The following NCMAP variants were observed in gnomAD, a reference collection of about 807,000 sequenced individuals.
NCMAP encodes the protein non-compact myelin associated protein.
Under a neutral mutation model 7.8 loss-of-function variants are expected in NCMAP, and 8 were observed. The ratio of observed to expected loss-of-function variants is 1.02; its 90% CI spans 0.60 to 1.84. The LOEUF is 1.84. NCMAP is among the 40% of genes most tolerant of loss of function. The pLI, the probability that NCMAP is intolerant of heterozygous loss-of-function variation, is 0.00. For missense variants in NCMAP, 112 were observed against 131.4 expected (o/e 0.85, Z 0.72); for synonymous variants, 41 against 52.9 (o/e 0.78, Z 0.98).
In NCMAP at chr1:24,609,316, G is replaced by C. The variant is rs887786659; in HGVS notation, c.*3569G>C. On this transcript the variant is annotated 3_prime_UTR_variant, in exon 4 of 4. Coordinates refer to ENST00000374392, the MANE Select transcript of NCMAP (RefSeq NM_001010980.5). Reference sequence around the variant, plus strand: ...AAAGAAAAATATCTGACAATAAAAAGGTTTAAATCAAATGTGTTGAGTTTA... The same window carrying C: ...AAAGAAAAATATCTGACAATAAAAACGTTTAAATCAAATGTGTTGAGTTTA... 2 of 152,140 alleles carry C rather than the reference G, an allele frequency of 1.3e-5. No individual in the cohort carries two copies. Among genetic ancestry groups the C allele is most frequent in the African/African-American group, 4.8e-5 (2 of 41,428 alleles). 9.4% of individuals were successfully genotyped at this position (152,140 alleles called of 1,614,324 possible).
chr1:24,569,539 G>A lies in NCMAP; in HGVS notation c.-8+13370G>A, dbSNP rs192225538. ...AATAGTAACAATGTTCATTGATTGA[G>A]CGGCAGCAGTAAAGTGGAGTGGTCA... On this transcript the variant is annotated intron_variant, in intron 1 of 3. Transcript: ENST00000374392. Among the ~76,000 whole-genome samples, 83 of 150,672 alleles carry A rather than the reference G, an allele frequency of 5.5e-4. 4 individuals are homozygous for A. Among genetic ancestry groups the A allele is most frequent in the African/African-American group, 2.0e-3 (82 of 40,014 alleles).
intron 1 of NCMAP, among the ~76,000 whole-genome samples, chr1:24,587,469 G>T (rs555511603): frequency 6.6e-5 from 10 of 152,316 alleles, no homozygotes; most frequent in Middle Eastern, 3.4e-3. Context: ...ATCGGTGAAA[G>T]TTTGAATTGA....
intron 1 of NCMAP, among the ~76,000 whole-genome samples, chr1:24,557,092 T>C (rs540813138): frequency 6.6e-6 from 1 of 152,306 alleles, no homozygotes; most frequent in South Asian, 2.1e-4. Context: ...GAACATGAGC[T>C]ATTAATGTCT....
intron 1 of NCMAP, among the ~76,000 whole-genome samples, chr1:24,573,971 A>AAAAAAAAAAAAAAAAC (rs1337931415): frequency 1.5e-5 from 2 of 137,488 alleles, no homozygotes; most frequent in African/African-American, 5.9e-5. Flanking sequence ...AAAAAAAAAA[A>AAAAAAAAAAAAAAAAC]CAGAAAAAAG....
intron 1 of NCMAP, among the ~76,000 whole-genome samples, chr1:24,586,491 G>A (rs1003911084): frequency 1.3e-5 from 2 of 152,142 alleles, no homozygotes; most frequent in African/African-American, 2.4e-5. Context: ...GGCTGGGCAC[G>A]GTGGCTCACG....
intron 1 of NCMAP, among the ~76,000 whole-genome samples, chr1:24,587,158 C>T (rs571708245): frequency 2.6e-5 from 4 of 152,294 alleles, no homozygotes; most frequent in African/African-American, 9.6e-5. Context: ...CAGCCCCCCT[C>T]TGGAGTCATG....
intron 1 of NCMAP, among the ~76,000 whole-genome samples, chr1:24,557,616 C>T (rs905607690): frequency 1.3e-5 from 2 of 152,138 alleles, no homozygotes; most frequent in Non-Finnish European, 2.9e-5. Context: ...TACCTTTACT[C>T]ATGTCCTCTA....
chr1:24,600,814 C>T, intron 2 of NCMAP, 126 bp from the exon 3 acceptor site: 3 of 797,590 alleles, frequency 3.8e-6, no homozygotes, highest in Admixed American at 3.7e-5. Context: ...CTGGGAGTGT[C>T]CCAGGATGTT....
intron 1 of NCMAP, among the ~76,000 whole-genome samples, chr1:24,584,969 G>A (rs1651840448): frequency 7.1e-6 from 1 of 140,412 alleles, no homozygotes; most frequent in Admixed American, 7.0e-5. Context: ...CAGTGAGTGG[G>A]TGGGCGGGTG....
At chr1:24,563,349 C>A (rs1417240329) in intron 1 of NCMAP, among the ~76,000 whole-genome samples, 1 of 152,016 alleles carries the variant, frequency 6.6e-6, no homozygotes, top group African/African-American at 2.4e-5. Context: ...TGGAGAAACC[C>A]CGTCTCTACT....
chr1:24,578,560 C>CTTTTT (rs555342098), intron 1 of NCMAP, among the ~76,000 whole-genome samples: 46 of 107,370 alleles, frequency 4.3e-4, no homozygotes, highest in African/African-American at 1.3e-3. Flanking sequence ...TTCTTTCTTT[C>CTTTTT]TTTTTTTTTT....
intron 1 of NCMAP, among the ~76,000 whole-genome samples, chr1:24,584,463 C>T (rs1344462934): frequency 2.0e-5 from 3 of 152,158 alleles, no homozygotes; most frequent in Admixed American, 6.5e-5. Context: ...TCCTGGAGTC[C>T]CCTTTTCTTA....
At chr1:24,586,219 G>A (rs76612687) in intron 1 of NCMAP, among the ~76,000 whole-genome samples, 7,135 of 152,256 alleles carry the variant, frequency 0.047, 254 homozygotes, top group Middle Eastern at 0.11. Flanking sequence ...GCCCTTGCTG[G>A]GTCATGAGCC....
chr1:24,599,488 C>T lies in NCMAP; in HGVS notation c.83-1452C>T, dbSNP rs573206936. 3.3e-5 allele frequency among the ~76,000 whole-genome samples: 5 copies of T among 152,228 alleles called. No homozygotes were observed. The South Asian group carries it at 1.0e-3, about 32-fold the overall frequency. On this transcript the variant is annotated intron_variant, in intron 2 of 3. Transcript: ENST00000374392. ...TACACCCAAACAATGGAGTACTATGCAGCCATGGAAAGTCATGAAGAAAAA... is the reference window on the plus strand; with the variant it reads ...TACACCCAAACAATGGAGTACTATGTAGCCATGGAAAGTCATGAAGAAAAA...
At position 24,577,720 on chromosome 1, in the gene NCMAP, C is replaced by T. The variant is rs1198253097; in HGVS notation, c.-7-17704C>T. Among the ~76,000 whole-genome samples, 3 of 152,072 alleles carry T rather than the reference C, an allele frequency of 2.0e-5. No individual in the cohort carries two copies. The East Asian group carries it at 5.8e-4, about 29-fold the overall frequency. Reference sequence around the variant, plus strand: ...CTGTTCATGGCATAGATATTAACTACATCTACATAGTCTTGCTTTTTGTAG... The same window carrying T: ...CTGTTCATGGCATAGATATTAACTATATCTACATAGTCTTGCTTTTTGTAG... On this transcript the variant is annotated intron_variant, in intron 1 of 3. Coordinates refer to ENST00000374392, the MANE Select transcript of NCMAP (RefSeq NM_001010980.5).
intron 1 of NCMAP, among the ~76,000 whole-genome samples, chr1:24,566,505 G>A (rs1651232986): frequency 6.6e-6 from 1 of 152,274 alleles, no homozygotes; most frequent in Non-Finnish European, 1.5e-5. Flanking sequence ...TGCCTGGCGG[G>A]GGAAGGGAAG....
intron 1 of NCMAP, among the ~76,000 whole-genome samples, chr1:24,582,282 C>T (rs1002412381): frequency 6.6e-6 from 1 of 152,166 alleles, no homozygotes; most frequent in African/African-American, 2.4e-5. Context: ...TGGGATCAGA[C>T]AGATAAGAGC....
At chr1:24,585,313 G>T (rs1651851553) in intron 1 of NCMAP, among the ~76,000 whole-genome samples, 1 of 152,084 alleles carries the variant, frequency 6.6e-6, no homozygotes, top group Non-Finnish European at 1.5e-5. Context: ...TCATTCCCGG[G>T]TTTCCTTTCT....
rs1422512197 is a variant in NCMAP, at chr1:24,606,434, T to C, written c.*687T>C. The C allele has an allele frequency of 6.6e-6, 1 of 152,452 alleles. No homozygotes were observed. The highest frequency in any genetic ancestry group is 1.5e-5 in the Non-Finnish European group (1 of 68,122). The allele number at this position is 152,452 out of a possible 1,614,324, so 9.4% of individuals were successfully genotyped here. A position where few individuals can be genotyped will look rare whatever the true frequency, so the allele number is the denominator to read the frequency against. ...CCTCTAGGGTAGGAGCTTGTTGTGT[T>C]GTCCGTGGGCCTGGAATGATCCTGG... is the stretch of plus-strand genomic sequence containing the variant. On this transcript the variant is annotated 3_prime_UTR_variant, in exon 4 of 4. Coordinates refer to ENST00000374392, the MANE Select transcript of NCMAP (RefSeq NM_001010980.5).
Sources: allele counts gnomAD v4.1 joint callset (sites outside exome capture counted in the v4.1 genomes callset), GRCh38; gene constraint gnomAD v4.1.1; transcripts MANE v1.5; gene names NCBI Gene and HGNC (gene_info 2026-07-23, HGNC 2026-07-21).